EDEM2: variants seen among roughly 807,000 people sequenced by gnomAD.
The protein encoded by EDEM2 is ER degradation enhancing alpha-mannosidase like protein 2, also known as ER degradation-enhancing alpha-mannosidase-like protein 2.
In EDEM2, 39 loss-of-function variants were observed where a neutral mutation model predicts 64.8. That is an observed-to-expected ratio of 0.60 (90% confidence interval 0.47 to 0.79). EDEM2 has a LOEUF of 0.79. Ranked by LOEUF, EDEM2 falls within the 30% of genes least tolerant of loss-of-function variation. EDEM2 has a pLI of 0.00. For synonymous variants in EDEM2, 296 were observed against 291.5 expected (o/e 1.02, Z -0.16); for missense variants, 609 against 731.3 (o/e 0.83, Z 1.93).
At chr20:35,131,565 C>G (rs958904620) in intron 7 of EDEM2, 77 bp downstream of exon 7, 9 of 1,550,752 alleles carry the variant, frequency 5.8e-6, no homozygotes, top group Admixed American at 1.8e-5. Context: ...GACTCTGTCT[C>G]AAAAAAAAGT....
intron 8 of EDEM2, 87 bp from the exon 9 acceptor site, chr20:35,124,121 G>T: frequency 6.6e-7 from 1 of 1,520,838 alleles, no homozygotes. Context: ...TAAAATCTGT[G>T]GGGCCAAAAA....
At chr20:35,117,451 C>A (rs1569173209) in intron 10 of EDEM2, among the ~76,000 whole-genome samples, 1 of 152,276 alleles carries the variant, frequency 6.6e-6, no homozygotes, top group East Asian at 1.9e-4. Flanking sequence ...CATGGAAGAC[C>A]TCCAAAGGGC....
At chr20:35,135,052 T>A in intron 5 of EDEM2, 103 bp from the exon 6 acceptor site, 1 of 1,112,916 alleles carries the variant, frequency 9.0e-7, no homozygotes, top group Non-Finnish European at 1.3e-6. Context: ...TCCCTCTTTC[T>A]CCTGGGTATC....
chr20:35,142,349 A>C (rs780214317), intron 4 of EDEM2, 24 bp downstream of exon 4: 1 of 1,569,706 alleles, frequency 6.4e-7, no homozygotes, highest in Non-Finnish European at 8.7e-7. Context: ...TTTTCTTTTA[A>C]AGGTCCTAGA....
Position 35,131,729 on chromosome 20 carries a change from T to C in EDEM2, c.757A>G (p.Ile253Val), listed in dbSNP as rs1321929392. 6.2e-7 allele frequency: 1 copy of C among 1,614,112 alleles called. No individual in the cohort carries two copies. The highest frequency in any genetic ancestry group is 1.3e-5 in the African/African-American group (1 of 74,946). The change falls in exon 7 of 11, where the codon ATC becomes GTC. Residue 253 changes from isoleucine to valine, a missense_variant. Ile to Val is a conservative substitution (Grantham distance 29). Transcript: ENST00000374492. ...AAGTAGGAGTCCACGCCAGCCCCGATGCCTGCGTCCTGGGCCACCCACTTG... is the reference window on the plus strand; with the variant it reads ...AAGTAGGAGTCCACGCCAGCCCCGACGCCTGCGTCCTGGGCCACCCACTTG... ...TGKWVAQDAG[I>V]GAGVDSYFEY...
In EDEM2 at chr20:35,118,683, G is replaced by C; in HGVS notation, c.1151C>G (p.Thr384Arg). 6.2e-7 allele frequency: 1 copy of C among 1,613,252 alleles called. No individual in the cohort carries two copies. The highest frequency in any genetic ancestry group is 2.2e-5 in the East Asian group (1 of 44,888). ...GAGTTCTAGGAGGGTGGGATCCCCC[G>C]TGGCACGGTAGAGGTACATTGCGCT... ...IESAMYLYRA[T>R]GDPTLLELGR... is the part of the protein sequence containing the mutation. The change falls in exon 10 of 11, where the codon ACG (threonine) becomes AGG (arginine). Residue 384 changes from threonine (T) to arginine (R), a missense_variant. Coordinates refer to ENST00000374492, the MANE Select transcript of EDEM2 (RefSeq NM_018217.3).
intron 4 of EDEM2, among the ~76,000 whole-genome samples, chr20:35,139,209 G>A (rs886714980): frequency 6.6e-6 from 1 of 152,118 alleles, no homozygotes; most frequent in African/African-American, 2.4e-5. Flanking sequence ...TATTAGCTGG[G>A]CGTGGTGGCA....
At chr20:35,128,170 G>A (rs71349788) in intron 7 of EDEM2, among the ~76,000 whole-genome samples, 8 of 152,006 alleles carry the variant, frequency 5.3e-5, no homozygotes, top group African/African-American at 1.9e-4. Context: ...CGGATCACGA[G>A]GTCAGTGTTA....
chr20:35,132,425 G>T (rs1465269664), intron 6 of EDEM2, among the ~76,000 whole-genome samples: 3 of 151,978 alleles, frequency 2.0e-5, no homozygotes, highest in East Asian at 3.9e-4. Flanking sequence ...GGCTGAGGGG[G>T]GCAAAATCAC....
chr20:35,126,292 G>C lies in EDEM2; in HGVS notation c.928C>G (p.Pro310Ala). 1.9e-6 allele frequency: 3 copies of C among 1,614,030 alleles called. No individual in the cohort carries two copies. Among genetic ancestry groups the C allele is most frequent in the Non-Finnish European group, 2.5e-6 (3 of 1,180,026 alleles). The change falls in exon 8 of 11, where the codon CCA becomes GCA. Residue 310 changes from proline to alanine, a missense_variant. Pro to Ala is a conservative substitution (Grantham distance 27, BLOSUM62 -1). Coordinates refer to ENST00000374492, the MANE Select transcript of EDEM2 (RefSeq NM_018217.3). ...TAGGCCTCCAAGGACTGGAAGACTG[G>C]CATGGACACAGTCCCCTTGTACATC... ...VQMYKGTVSM[P>A]VFQSLEAYWP...
intron 9 of EDEM2, among the ~76,000 whole-genome samples, chr20:35,123,687 C>T (rs1264397191): frequency 1.3e-5 from 2 of 152,246 alleles, no homozygotes; most frequent in Non-Finnish European, 2.9e-5. Flanking sequence ...CGAGCCATTT[C>T]ATCCCACTAG....
chr20:35,130,872 C>T (rs558308047), intron 7 of EDEM2, among the ~76,000 whole-genome samples: 1 of 152,282 alleles, frequency 6.6e-6, no homozygotes, highest in South Asian at 2.1e-4. Flanking sequence ...TTACCTACCA[C>T]ATGTAAAGCA....
At chr20:35,116,040 T>G (rs961652524) in intron 10 of EDEM2, 107 bp from the exon 11 acceptor site, 1 of 1,240,932 alleles carries the variant, frequency 8.1e-7, no homozygotes, top group Non-Finnish European at 1.1e-6. Flanking sequence ...GCTGAGGGCC[T>G]GTGAGCAAAT....
At chr20:35,134,999 T>A in intron 5 of EDEM2, 50 bp from the exon 6 acceptor site, 1 of 1,576,784 alleles carries the variant, frequency 6.3e-7, no homozygotes, top group Non-Finnish European at 8.7e-7. Context: ...GGGATAGGGA[T>A]AGTTCTGATA....
intron 6 of EDEM2, among the ~76,000 whole-genome samples, chr20:35,133,500 CTT>C (rs1355356929): frequency 6.6e-6 from 1 of 150,398 alleles, no homozygotes; most frequent in East Asian, 1.9e-4. Flanking sequence ...GAGTTTCGCT[CTT>C]GTTGCCCAGG....
At chr20:35,127,838 G>A (rs1458283292) in intron 7 of EDEM2, among the ~76,000 whole-genome samples, 1 of 152,158 alleles carries the variant, frequency 6.6e-6, no homozygotes, top group East Asian at 1.9e-4. Flanking sequence ...GAACTGTAGA[G>A]ATGGTGGTCC....
intron 9 of EDEM2, among the ~76,000 whole-genome samples, chr20:35,121,710 G>A (rs1031691028): frequency 2.0e-5 from 3 of 152,198 alleles, no homozygotes; most frequent in Admixed American, 2.0e-4. Flanking sequence ...TAGTGAAAGA[G>A]TAGTCCTTAT....
intron 9 of EDEM2, among the ~76,000 whole-genome samples, chr20:35,119,536 T>C (rs1025304659): frequency 2.0e-4 from 30 of 152,212 alleles, no homozygotes; most frequent in African/African-American, 6.7e-4. Context: ...GAGGCTGCAG[T>C]GAGCCATGAT....
At chr20:35,125,637 G>A (rs1455596775) in intron 8 of EDEM2, among the ~76,000 whole-genome samples, 1 of 152,156 alleles carries the variant, frequency 6.6e-6, no homozygotes, top group Non-Finnish European at 1.5e-5. Flanking sequence ...GCCTGCCTCG[G>A]CCTGCCAAAG....
Sources: allele counts gnomAD v4.1 joint callset (sites outside exome capture counted in the v4.1 genomes callset), GRCh38; gene constraint gnomAD v4.1.1; transcripts MANE v1.5; gene names NCBI Gene and HGNC (gene_info 2026-07-23, HGNC 2026-07-21).